OXR1: variants seen among roughly 807,000 people sequenced by gnomAD.
OXR1 encodes the protein oxidation resistance 1.
OXR1 carries 41 observed loss-of-function variants against 104.6 expected under a neutral mutation model. The observed-to-expected ratio is 0.39, with a 90% CI of 0.31 to 0.51. The LOEUF (loss-of-function observed/expected upper bound fraction) is 0.51, where lower values mean the gene tolerates loss of function less well. Among genes scored for constraint, OXR1 ranks in the 20% least tolerant of loss-of-function variants. The pLI is 0.77. For missense variants in OXR1, 955 were observed against 1,031.9 expected, an observed-to-expected ratio of 0.93 and a Z score of 1.02; for synonymous variants, 348 against 348.4, an observed-to-expected ratio of 1.00 and a Z score of 0.01.
intron 3 of OXR1, among the ~76,000 whole-genome samples, chr8:106,538,048 CT>C (rs1160743287): frequency 6.6e-6 from 1 of 152,114 alleles, no homozygotes; most frequent in Admixed American, 6.5e-5. Context: ...GTTATTTGTC[CT>C]GGCTGAATTA....
chr8:106,617,252 A>ATGCTG (rs1821317318), intron 3 of OXR1, among the ~76,000 whole-genome samples: 1 of 152,132 alleles, frequency 6.6e-6, no homozygotes, highest in Non-Finnish European at 1.5e-5. Flanking sequence ...ATGAAACCCC[A>ATGCTG]TCTCTACTAA....
chr8:106,610,577 C>T (rs1820739692), intron 3 of OXR1, among the ~76,000 whole-genome samples: 1 of 152,190 alleles, frequency 6.6e-6, no homozygotes, highest in Non-Finnish European at 1.5e-5. Flanking sequence ...CTGTCTCGTA[C>T]CATGCCACAG....
At chr8:106,677,340 C>T (rs2131198903) in intron 3 of OXR1, among the ~76,000 whole-genome samples, 1 of 151,992 alleles carries the variant, frequency 6.6e-6, no homozygotes, top group East Asian at 1.9e-4. Context: ...TTAATGTTTG[C>T]ATTTTCTCAT....
At chr8:106,587,581 G>T (rs1586853453) in intron 3 of OXR1, among the ~76,000 whole-genome samples, 1 of 152,312 alleles carries the variant, frequency 6.6e-6, no homozygotes, top group East Asian at 1.9e-4. Flanking sequence ...GTTCTCAAAT[G>T]ATGGGCTGCA....
At chr8:106,497,679 T>C (rs1268014171) in intron 2 of OXR1, among the ~76,000 whole-genome samples, 4 of 152,210 alleles carry the variant, frequency 2.6e-5, no homozygotes, top group Non-Finnish European at 5.9e-5. Context: ...CACATTTGTA[T>C]TGAATGACTC....
chr8:106,638,905 A>C lies in OXR1; in HGVS notation c.221-40305A>C, dbSNP rs1029599583. Reference sequence around the variant, plus strand: ...TGAGACTCCATTTCAAAAAAAAAAAAAAAACCTATAAAACAACACAACAAA... The same window carrying C: ...TGAGACTCCATTTCAAAAAAAAAAACAAAACCTATAAAACAACACAACAAA... On this transcript the variant is annotated intron_variant, in intron 3 of 16. Coordinates refer to ENST00000517566, the MANE Select transcript of OXR1 (RefSeq NM_001198533.2). Among the ~76,000 whole-genome samples, 10 of 120,020 alleles carry C rather than the reference A, an allele frequency of 8.3e-5. 1 individual carries two copies. The highest frequency in any genetic ancestry group is 2.6e-4 in the South Asian group (1 of 3,876). The allele number at this position is 120,020 out of a possible 152,430, so 78.7% of individuals were successfully genotyped here. A position where few individuals can be genotyped will look rare whatever the true frequency, so the allele number is the denominator to read the frequency against.
chr8:106,713,440 T>G (rs1219473233), intron 10 of OXR1, among the ~76,000 whole-genome samples: 1 of 151,970 alleles, frequency 6.6e-6, no homozygotes, highest in South Asian at 2.1e-4. Flanking sequence ...TGTCTCAAAA[T>G]AGGCCATTAA....
At chr8:106,644,307 C>T (rs957193143) in intron 3 of OXR1, among the ~76,000 whole-genome samples, 4 of 152,116 alleles carry the variant, frequency 2.6e-5, no homozygotes, top group African/African-American at 9.7e-5. Flanking sequence ...AATTGAAAAG[C>T]AAAATCATTA....
chr8:106,348,140 A>T (rs375002912), intron 1 of OXR1, among the ~76,000 whole-genome samples: 9 of 152,192 alleles, frequency 5.9e-5, no homozygotes, highest in Non-Finnish European at 1.0e-4. Context: ...ACATAAGGTC[A>T]TGGATGCATT....
chr8:106,702,848 G>A (rs982601408), intron 7 of OXR1, 58 bp from the exon 8 acceptor site: 1 of 1,295,472 alleles, frequency 7.7e-7, no homozygotes, highest in African/African-American at 1.5e-5. Flanking sequence ...AAAATAGCTA[G>A]ATAATTTTTG....
chr8:106,485,511 C>T (rs545131489), intron 2 of OXR1, among the ~76,000 whole-genome samples: 6 of 151,986 alleles, frequency 3.9e-5, no homozygotes, highest in Admixed American at 6.6e-5. Context: ...ATTGATTAAT[C>T]AAGCAAAAGA....
chr8:106,749,094 G>A (rs1050510388), intron 16 of OXR1, among the ~76,000 whole-genome samples: 1 of 151,930 alleles, frequency 6.6e-6, no homozygotes, highest in African/African-American at 2.4e-5. Context: ...TGTAATCCCA[G>A]CACTTTGGGA....
At chr8:106,436,072 A>C (rs1019144555) in intron 2 of OXR1, among the ~76,000 whole-genome samples, 1 of 151,878 alleles carries the variant, frequency 6.6e-6, no homozygotes, top group African/African-American at 2.4e-5. Flanking sequence ...CATCTCTTTT[A>C]GTCTAAAAAC....
Position 106,739,583 on chromosome 8 carries a change from G to C in OXR1, c.2163G>C (p.Lys721Asn). The C allele has an allele frequency of 6.2e-7, 1 of 1,612,836 alleles. No homozygotes were observed. Among genetic ancestry groups the C allele is most frequent in the Non-Finnish European group, 8.5e-7 (1 of 1,179,510 alleles). Residue 721 changes from lysine to asparagine, a missense_variant and splice_region_variant, in exon 13 of 17, where the codon AAG (lysine) becomes AAC (asparagine). By Grantham distance (94) the Lys-to-Asn change is moderately conservative (BLOSUM62 0). Coordinates refer to ENST00000517566, the MANE Select transcript of OXR1 (RefSeq NM_001198533.2). ...SELLLPDQIE[K>N]LTKHLPPRTI... is the part of the protein sequence containing the mutation. ...TTTTACTGCCAGATCAAATTGAAAA[G>C]GTATGACATGCTCACATATGTGCAT...
intron 2 of OXR1, among the ~76,000 whole-genome samples, chr8:106,480,945 A>T (rs905441826): frequency 1.4e-4 from 21 of 152,032 alleles, no homozygotes; most frequent in African/African-American, 4.8e-4. Context: ...TAAAAACTTC[A>T]TTGCTTCAGG....
intron 2 of OXR1, among the ~76,000 whole-genome samples, chr8:106,376,645 A>G (rs980196109): frequency 7.2e-5 from 11 of 152,212 alleles, no homozygotes; most frequent in African/African-American, 2.7e-4. Context: ...TGTGAAATGA[A>G]GGTGATAATA....
intron 2 of OXR1, among the ~76,000 whole-genome samples, chr8:106,397,564 C>T (rs975544758): frequency 2.0e-4 from 30 of 151,904 alleles, no homozygotes; most frequent in African/African-American, 7.3e-4. Flanking sequence ...GATGATTATA[C>T]TCTTGGGAAT....
intron 2 of OXR1, among the ~76,000 whole-genome samples, chr8:106,442,827 C>A (rs892565012): frequency 6.6e-6 from 1 of 152,050 alleles, no homozygotes; most frequent in Non-Finnish European, 1.5e-5. Flanking sequence ...GTCTAGCTAT[C>A]GGTCTATCTA....
At chr8:106,441,510 A>G (rs973496850) in intron 2 of OXR1, among the ~76,000 whole-genome samples, 9 of 152,152 alleles carry the variant, frequency 5.9e-5, no homozygotes, top group African/African-American at 2.2e-4. Flanking sequence ...TTTGGGCAGT[A>G]TGGCCATTTT....
Sources: allele counts gnomAD v4.1 joint callset (sites outside exome capture counted in the v4.1 genomes callset), GRCh38; gene constraint gnomAD v4.1.1; transcripts MANE v1.5; gene names NCBI Gene and HGNC (gene_info 2026-07-23, HGNC 2026-07-21).